PCDHGA3: variants seen among roughly 807,000 people sequenced by gnomAD.
The protein encoded by PCDHGA3 is protocadherin gamma subfamily A, 3.
In PCDHGA3, 40 loss-of-function variants were observed where a neutral mutation model predicts 58.5. That is an observed-to-expected ratio of 0.68 (90% confidence interval 0.53 to 0.89). The LOEUF (loss-of-function observed/expected upper bound fraction) is 0.89. Ranked by LOEUF, PCDHGA3 falls within the 40% of genes least tolerant of loss-of-function variation. The pLI is 0.00. For missense variants in PCDHGA3, 1,223 were observed against 1,195.9 expected, an observed-to-expected ratio of 1.02 and a Z score of -0.33; for synonymous variants, 530 against 525.7, an observed-to-expected ratio of 1.01 and a Z score of -0.11.
In PCDHGA3 at chr5:141,432,927, G is replaced by A; in HGVS notation, c.2425-61880G>A. On this transcript the variant is annotated intron_variant, in intron 1 of 3. Coordinates refer to ENST00000253812, the MANE Select transcript of PCDHGA3 (RefSeq NM_018916.4). This position sits in a 1 kb window ranked among gnomAD's most constrained non-coding sequence, Gnocchi z 6.0. ...AGGCTGCGGCGCTGGCACAAGTCACGCCTGCTGCAGGCTTCAGGAGGCGGC... is the reference window on the plus strand; with the variant it reads ...AGGCTGCGGCGCTGGCACAAGTCACACCTGCTGCAGGCTTCAGGAGGCGGC... 6.2e-7 allele frequency: 1 copy of A among 1,614,162 alleles called. No individual in the cohort carries two copies. Among genetic ancestry groups the A allele is most frequent in the Non-Finnish European group, 8.5e-7 (1 of 1,180,032 alleles).
intron 1 of PCDHGA3, chr5:141,414,447 C>A (rs2095748360): frequency 1.2e-6 from 2 of 1,613,848 alleles, no homozygotes; most frequent in East Asian, 2.2e-5. Flanking sequence ...CTTACAATAT[C>A]ACAGTGACAG....
At chr5:141,421,721 T>G in intron 1 of PCDHGA3, 1 of 1,613,940 alleles carries the variant, frequency 6.2e-7, no homozygotes, top group Non-Finnish European at 8.5e-7. Flanking sequence ...GATGTGGGCG[T>G]GAACTCCCTC....
rs756005665 is a variant in PCDHGA3, at chr5:141,351,018, C to T, written c.2424+4561C>T. 1.1e-5 allele frequency: 18 copies of T among 1,613,906 alleles called. No homozygotes were observed. Among genetic ancestry groups the T allele is most frequent in the African/African-American group, 1.1e-4 (8 of 74,934 alleles). ...AGGGTTAGCCTCCAAGAAAACGTAC[C>T]GTGGGGAACCTCCGTGCTGCGGGTG... On this transcript the variant is annotated intron_variant, in intron 1 of 3. Transcript: ENST00000253812.
chr5:141,497,005 A>T (rs1249733879), intron 2 of PCDHGA3, among the ~76,000 whole-genome samples: 1 of 152,134 alleles, frequency 6.6e-6, no homozygotes, highest in Non-Finnish European at 1.5e-5. Context: ...GGCAGCCAAC[A>T]TGGTGAAACC....
chr5:141,477,978 T>A lies in PCDHGA3; in HGVS notation c.2425-16829T>A. ...TCCCCTAACCAGAGCCTTTTTGCCA[T>A]AGGGCTGCACACTGGTCAAATCAGT... is the stretch of plus-strand genomic sequence containing the variant. On this transcript the variant is annotated intron_variant, in intron 1 of 3. Transcript: ENST00000253812. The surrounding 1 kb of genome is among the most constrained non-coding windows in gnomAD (Gnocchi z 4.9). The A allele has an allele frequency of 6.2e-7, 1 of 1,614,120 alleles. No individual in the cohort carries two copies. Among genetic ancestry groups the A allele is most frequent in the Non-Finnish European group, 8.5e-7 (1 of 1,180,022 alleles).
intron 1 of PCDHGA3, among the ~76,000 whole-genome samples, chr5:141,482,530 C>CAAAAAAAAAA (rs3074545): frequency 1.2e-3 from 90 of 76,428 alleles, no homozygotes; most frequent in African/African-American, 1.7e-3. Context: ...GACAGACATG[C>CAAAAAAAAAA]AAAAAAAAAA....
chr5:141,475,013 G>T (rs950376592), intron 1 of PCDHGA3, among the ~76,000 whole-genome samples: 1 of 152,176 alleles, frequency 6.6e-6, no homozygotes, highest in African/African-American at 2.4e-5. Context: ...AAAAGTTAAG[G>T]CTCTTTATTC....
intron 1 of PCDHGA3, chr5:141,371,867 C>G (rs1452583584): frequency 6.2e-7 from 1 of 1,613,548 alleles, no homozygotes; most frequent in Non-Finnish European, 8.5e-7. Flanking sequence ...CCTACTACAT[C>G]GTGGCCAGTG....
At position 141,487,886 on chromosome 5, in the gene PCDHGA3, G is replaced by A. The variant is rs1208779156; in HGVS notation, c.2425-6921G>A. On this transcript the variant is annotated intron_variant, in intron 1 of 3. Transcript: ENST00000253812. This position sits in a 1 kb window ranked among gnomAD's most constrained non-coding sequence, Gnocchi z 5.0. ...GATCAAGAGCCAGGCTGTTGTGGAA[G>A]CATGATGATGGAATGTGGGAGCACA... is the stretch of plus-strand genomic sequence containing the variant. 1.3e-6 allele frequency: 1 copy of A among 751,316 alleles called. No individual in the cohort carries two copies. The highest frequency in any genetic ancestry group is 2.1e-6 in the Non-Finnish European group (1 of 467,526). The allele number at this position is 751,316 out of a possible 1,614,324, so 46.5% of individuals were successfully genotyped here.
intron 1 of PCDHGA3, chr5:141,372,274 G>T (rs767978142): frequency 4.3e-6 from 7 of 1,612,960 alleles, no homozygotes; most frequent in Non-Finnish European, 3.4e-6. Context: ...GGTGAGGTGC[G>T]CACGGCGCGT....
At chr5:141,415,438 C>A in intron 1 of PCDHGA3, 1 of 1,614,218 alleles carries the variant, frequency 6.2e-7, no homozygotes, top group South Asian at 1.1e-5. Flanking sequence ...GGCTTTCCTG[C>A]AGACCTATTC....
At chr5:141,497,722 T>C (rs1395904793) in intron 2 of PCDHGA3, among the ~76,000 whole-genome samples, 1 of 152,030 alleles carries the variant, frequency 6.6e-6, no homozygotes, top group Non-Finnish European at 1.5e-5. Flanking sequence ...GTATTTTTAG[T>C]AGAGATGGGT....
chr5:141,383,826 T>G, intron 1 of PCDHGA3: 1 of 1,613,966 alleles, frequency 6.2e-7, no homozygotes, highest in Non-Finnish European at 8.5e-7. Flanking sequence ...GATTAGATTA[T>G]GAAGAAACTG....
intron 1 of PCDHGA3, chr5:141,418,042 G>A: frequency 6.2e-7 from 1 of 1,614,014 alleles, no homozygotes; most frequent in South Asian, 1.1e-5. Context: ...TCCTGGATGT[G>A]TCGGCTCGCG....
intron 1 of PCDHGA3, chr5:141,478,636 T>G: frequency 1.3e-6 from 2 of 1,552,744 alleles, no homozygotes; most frequent in South Asian, 2.4e-5. Flanking sequence ...TTTTTAGTGA[T>G]GAAGATGTTT....
At chr5:141,370,572 GA>G in intron 1 of PCDHGA3, 9 of 1,613,960 alleles carry the variant, frequency 5.6e-6, no homozygotes, top group Non-Finnish European at 7.6e-6. Context: ...TGGCGTGGGG[GA>G]TTTACCTACT....
intron 1 of PCDHGA3, among the ~76,000 whole-genome samples, chr5:141,472,935 A>G (rs1593400204): frequency 6.6e-6 from 1 of 150,778 alleles, no homozygotes; most frequent in East Asian, 1.9e-4. Context: ...GTGGTGAGCC[A>G]AGATTATGCC....
intron 1 of PCDHGA3, among the ~76,000 whole-genome samples, chr5:141,494,188 T>G (rs2099752632): frequency 6.6e-6 from 1 of 152,186 alleles, no homozygotes; most frequent in Non-Finnish European, 1.5e-5. Flanking sequence ...GTCCCGGGAC[T>G]TGGATGCCCC....
rs2094321391 is a variant in PCDHGA3, at chr5:141,402,912, G to GCTTCATCA, written c.2424+56456_2424+56457insTTCATCAC. ...AAGAAAGAACCTGATGAAGCAGCGCGCACAGAGATCCTTTTGAGAAAATTC... is the reference window on the plus strand; with the variant it reads ...AAGAAAGAACCTGATGAAGCAGCGCGCTTCATCACACAGAGATCCTTTTGAGAAAATTC... On this transcript the variant is annotated intron_variant, in intron 1 of 3. Coordinates refer to ENST00000253812, the MANE Select transcript of PCDHGA3 (RefSeq NM_018916.4). 6 of 1,553,880 alleles carry GCTTCATCA rather than the reference G, an allele frequency of 3.9e-6. No individual in the cohort carries two copies. In the African/African-American group the frequency reaches 8.2e-5, roughly 21 times the overall value.
Sources: gnomAD v4.1 joint callset for allele counts (sites outside exome capture counted in the v4.1 genomes callset) on GRCh38, gnomAD v4.1.1 for gene constraint, Gnocchi (gnomAD v3.1) non-coding constraint, MANE v1.5 for transcripts, NCBI Gene and HGNC (gene_info 2026-07-23, HGNC 2026-07-21) for gene names.